The following C5orf46 variants were observed in gnomAD, a reference collection of about 807,000 sequenced individuals.
C5orf46 encodes chromosome 5 open reading frame 46, also known as uncharacterized protein C5orf46.
In C5orf46, 9 loss-of-function variants were observed where a neutral mutation model predicts 8.9. The observed-to-expected ratio is 1.01, with a 90% CI of 0.61 to 1.76. The LOEUF (loss-of-function observed/expected upper bound fraction) is 1.76, where lower values mean the gene tolerates loss of function less well. Among genes scored for constraint, C5orf46 ranks in the 40% most tolerant of loss-of-function variants. The pLI is 0.00. For missense variants in C5orf46, 98 were observed against 107.8 expected, an observed-to-expected ratio of 0.91 and a Z score of 0.40; for synonymous variants, 47 against 41.4, an observed-to-expected ratio of 1.14 and a Z score of -0.52.
downstream of C5orf46, among the ~76,000 whole-genome samples, chr5:147,888,118 G>A (rs541687491): frequency 3.9e-5 from 6 of 152,146 alleles, no homozygotes; most frequent in Non-Finnish European, 5.9e-5. Flanking sequence ...AGACTCCTAC[G>A]AGTCATTCCT....
At chr5:147,893,905 A>AT (rs1489581292) in intron 3 of C5orf46, among the ~76,000 whole-genome samples, 12 of 143,152 alleles carry the variant, frequency 8.4e-5, no homozygotes, top group African/African-American at 3.6e-4. Flanking sequence ...TAGGGAAGGC[A>AT]TATTTTTTTT....
chr5:147,904,523 T>C (rs1447399909), intron 1 of C5orf46, among the ~76,000 whole-genome samples: 1 of 152,230 alleles, frequency 6.6e-6, no homozygotes, highest in Non-Finnish European at 1.5e-5. Flanking sequence ...TCTATCTGGC[T>C]ACTTGCATAA....
At chr5:147,901,397 A>G (rs1757666538) in intron 2 of C5orf46, 2 of 342,122 alleles carry the variant, frequency 5.8e-6, no homozygotes, top group Non-Finnish European at 1.0e-5. Flanking sequence ...GAAAAAAAAA[A>G]AAAAATCCTG....
downstream of C5orf46, among the ~76,000 whole-genome samples, chr5:147,890,187 T>C (rs953112111): frequency 1.3e-5 from 2 of 152,316 alleles, no homozygotes; most frequent in Middle Eastern, 3.4e-3. Flanking sequence ...GTTTAGTTGG[T>C]TATGCACGCA....
downstream of C5orf46, among the ~76,000 whole-genome samples, chr5:147,891,805 AGTGTGAG>A (rs1204623051): frequency 1.3e-5 from 2 of 152,170 alleles, no homozygotes; most frequent in Non-Finnish European, 2.9e-5. Flanking sequence ...GAAAATGCAG[AGTGTGAG>A]TTGTCTGAAT....
chr5:147,897,871 A>T (rs1757607616), intron 2 of C5orf46, among the ~76,000 whole-genome samples: 1 of 152,108 alleles, frequency 6.6e-6, no homozygotes, highest in African/African-American at 2.4e-5. Flanking sequence ...ACGCACAGAT[A>T]TTGGGGGTTT....
downstream of C5orf46, among the ~76,000 whole-genome samples, chr5:147,890,710 A>T (rs115450190): frequency 0.014 from 2,183 of 152,192 alleles, 55 homozygotes; most frequent in African/African-American, 0.049. Context: ...GAGGAAATGT[A>T]AGGCCCTATA....
At chr5:147,897,968 T>C (rs1053489047) in intron 2 of C5orf46, among the ~76,000 whole-genome samples, 2 of 152,136 alleles carry the variant, frequency 1.3e-5, no homozygotes, top group African/African-American at 4.8e-5. Flanking sequence ...GAAAGATACA[T>C]TGGCATCAGA....
chr5:147,892,498 T>G (rs1172517748), downstream of C5orf46, among the ~76,000 whole-genome samples: 1 of 152,188 alleles, frequency 6.6e-6, no homozygotes, highest in Non-Finnish European at 1.5e-5. Context: ...GAGAGCTTGT[T>G]TTGAGGTCAG....
intron 1 of C5orf46, among the ~76,000 whole-genome samples, chr5:147,906,017 CT>C (rs1355661907): frequency 6.6e-6 from 1 of 151,986 alleles, no homozygotes; most frequent in Non-Finnish European, 1.5e-5. Flanking sequence ...TATGTGAGGC[CT>C]AGAGAGATTG....
At chr5:147,897,189 A>G (rs1757594460) in intron 2 of C5orf46, 148 bp from the exon 3 acceptor site, 4 of 440,662 alleles carry the variant, frequency 9.1e-6, no homozygotes, top group South Asian at 1.1e-4. Flanking sequence ...AAATTTCTAC[A>G]TAGTTCATAG....
At chr5:147,897,496 C>T (rs1324637682) in intron 2 of C5orf46, among the ~76,000 whole-genome samples, 2 of 152,158 alleles carry the variant, frequency 1.3e-5, no homozygotes, top group African/African-American at 4.8e-5. Context: ...TTTGGCTCTC[C>T]AGAGTCATTA....
At chr5:147,891,054 C>T (rs995199219), downstream of C5orf46, among the ~76,000 whole-genome samples, 3 of 152,138 alleles carry the variant, frequency 2.0e-5, no homozygotes, top group African/African-American at 7.2e-5. Context: ...ATTGTGTCCT[C>T]AGCATGTCAC....
chr5:147,900,891 G>A (rs886554570), intron 2 of C5orf46, among the ~76,000 whole-genome samples: 3 of 152,180 alleles, frequency 2.0e-5, no homozygotes, highest in African/African-American at 7.2e-5. Context: ...AAAGCATACA[G>A]TGTAGTAGTG....
At chr5:147,905,559 T>C (rs1757738162) in intron 1 of C5orf46, among the ~76,000 whole-genome samples, 1 of 152,216 alleles carries the variant, frequency 6.6e-6, no homozygotes, top group Non-Finnish European at 1.5e-5. Context: ...TGTCACTAAA[T>C]GTTTGCACTC....
intron 2 of C5orf46, chr5:147,886,687 T>C (rs1241045331): frequency 2.0e-5 from 3 of 151,198 alleles, no homozygotes; most frequent in African/African-American, 7.3e-5. Flanking sequence ...GAATGACATA[T>C]GCCTTATTTA....
downstream of C5orf46, among the ~76,000 whole-genome samples, chr5:147,890,421 C>T (rs1469939620): frequency 1.3e-5 from 2 of 152,004 alleles, no homozygotes; most frequent in Non-Finnish European, 2.9e-5. Context: ...CAAATTCTTG[C>T]CTCGTGGAGA....
intron 2 of C5orf46, among the ~76,000 whole-genome samples, chr5:147,897,533 T>C (rs979082701): frequency 2.6e-5 from 4 of 152,180 alleles, no homozygotes; most frequent in African/African-American, 9.6e-5. Flanking sequence ...TTATGCCCTA[T>C]GGCTTAAGGA....
At chr5:147,894,754 G>GT (rs1341676715) in intron 3 of C5orf46, among the ~76,000 whole-genome samples, 1 of 139,952 alleles carries the variant, frequency 7.1e-6, no homozygotes, top group Non-Finnish European at 1.5e-5. Flanking sequence ...AAAGAAATGT[G>GT]TAAAAAAAAA....
Sources: gnomAD v4.1 joint callset for allele counts (sites outside exome capture counted in the v4.1 genomes callset) on GRCh38, gnomAD v4.1.1 for gene constraint, MANE v1.5 for transcripts, NCBI Gene and HGNC (gene_info 2026-07-23, HGNC 2026-07-21) for gene names.